Variants in DOCK10 observed in about 807,000 individuals in gnomAD.
DOCK10 encodes the protein dedicator of cytokinesis 10, also known as dedicator of cytokinesis protein 10.
DOCK10 carries 145 observed loss-of-function variants against 280.1 expected under a neutral mutation model. That is an observed-to-expected ratio of 0.52 (90% CI 0.45 to 0.59). The LOEUF (loss-of-function observed/expected upper bound fraction) is 0.59. Among genes scored for constraint, DOCK10 ranks in the 20% least tolerant of loss-of-function variants. The pLI, the probability that DOCK10 is intolerant of heterozygous loss-of-function variation, is 0.00. For synonymous variants in DOCK10, 915 were observed against 942.2 expected, an observed-to-expected ratio of 0.97 and a Z score of 0.53; for missense variants, 2,368 against 2,651.7, an observed-to-expected ratio of 0.89 and a Z score of 2.35.
intron 31 of DOCK10, among the ~76,000 whole-genome samples, chr2:224,812,653 T>C (rs1047869468): frequency 4.4e-4 from 67 of 152,238 alleles, no homozygotes; most frequent in African/African-American, 1.6e-3. Flanking sequence ...TATTTTGAGA[T>C]ACGTCCCATC....
At chr2:224,821,795 A>G (rs769520238) in intron 28 of DOCK10, among the ~76,000 whole-genome samples, 43 of 152,196 alleles carry the variant, frequency 2.8e-4, no homozygotes, top group Non-Finnish European at 5.6e-4. Context: ...CATAGCAATA[A>G]ACTTTATTCC....
intron 1 of DOCK10, among the ~76,000 whole-genome samples, chr2:224,978,702 C>T (rs1705579811): frequency 1.3e-5 from 2 of 152,070 alleles, no homozygotes; most frequent in South Asian, 2.1e-4. Context: ...ATTTATCAAT[C>T]GGTTATTGAT....
chr2:224,801,691 G>C (rs1048437151), intron 40 of DOCK10, among the ~76,000 whole-genome samples: 1 of 152,072 alleles, frequency 6.6e-6, no homozygotes, highest in African/African-American at 2.4e-5. Context: ...TTGTTTCCAA[G>C]GGAGCTATGC....
chr2:224,794,876 C>A lies in DOCK10; in HGVS notation c.5154+3G>T. The A allele has an allele frequency of 1.2e-6, 2 of 1,613,224 alleles. No homozygotes were observed. Among genetic ancestry groups the A allele is most frequent in the South Asian group, 2.2e-5 (2 of 91,014 alleles). ...GGTAAATGACCAAGCCTTGGCTAAT[C>A]ACCTCAGATAAATCTCCGTTTCTGG... On this transcript the variant is annotated splice_donor_region_variant and intron_variant, in intron 45 of 55. Transcript: ENST00000258390.
At position 224,966,895 on chromosome 2, in the gene DOCK10, GA is replaced by G. The variant is rs60840288; in HGVS notation, c.124-35228del. On this transcript the variant is annotated intron_variant, in intron 1 of 55. Transcript: ENST00000258390. ...CTCATCTAGAAGCAGGTACTCAGAT[GA>G]AAAAAAAAAAAGTAGAGGCTCACAT... 8.4e-3 allele frequency among the ~76,000 whole-genome samples: 1,204 copies of G among 142,654 alleles called. 17 individuals are homozygous for G. The highest frequency in any genetic ancestry group is 0.027 in the African/African-American group (1,059 of 39,276). 93.6% of individuals were successfully genotyped at this position (142,654 alleles called of 152,430 possible). A position where few individuals can be genotyped will look rare whatever the true frequency, so the allele number is the denominator to read the frequency against.
Position 224,807,606 on chromosome 2 carries a change from A to C in DOCK10, c.3702+62T>G, listed in dbSNP as rs1183548642. ...GAAGAAATGGTTATCCAGGGCAAAA[A>C]ATAATTAAAAAAAGACAAATTCTTT... is the stretch of plus-strand genomic sequence containing the variant. On this transcript the variant is annotated intron_variant, in intron 33 of 55. Transcript: ENST00000258390. 5.8e-6 allele frequency: 7 copies of C among 1,202,244 alleles called. No homozygotes were observed. The East Asian group carries it at 7.7e-5, about 13-fold the overall frequency. 74.5% of individuals were successfully genotyped at this position (1,202,244 alleles called of 1,614,324 possible). A position where few individuals can be genotyped will look rare whatever the true frequency, so the allele number is the denominator to read the frequency against.
At chr2:224,870,814 C>CTTTTTT (rs1559614196) in intron 11 of DOCK10, among the ~76,000 whole-genome samples, 8 of 106,502 alleles carry the variant, frequency 7.5e-5, no homozygotes, top group South Asian at 2.6e-4. Context: ...ATGGCCACTC[C>CTTTTTT]ATTTTTTTTT....
In DOCK10 at chr2:224,805,593, T is replaced by A; in HGVS notation, c.3815-64A>T. On this transcript the variant is annotated intron_variant, in intron 34 of 55. Coordinates refer to ENST00000258390, the MANE Select transcript of DOCK10 (RefSeq NM_014689.3). This position sits in a 1 kb window ranked among gnomAD's most constrained non-coding sequence, Gnocchi z 4.3. ...TGTATGGGCACACACACACAAAAGG[T>A]TCACATGATGAACCAAAAAGATGTT... is the stretch of plus-strand genomic sequence containing the variant. 2 of 1,595,702 alleles carry A rather than the reference T, an allele frequency of 1.3e-6. No individual in the cohort carries two copies. The highest frequency in any genetic ancestry group is 1.7e-6 in the Non-Finnish European group (2 of 1,170,734).
intron 53 of DOCK10, among the ~76,000 whole-genome samples, chr2:224,771,926 T>A (rs1269009451): frequency 2.0e-5 from 3 of 151,844 alleles, no homozygotes; most frequent in African/African-American, 7.2e-5. Context: ...GCTTTTTTTT[T>A]TTTTTATTTT....
chr2:225,025,501 TCAA>T (rs1216017058), intron 1 of DOCK10, among the ~76,000 whole-genome samples: 4 of 152,212 alleles, frequency 2.6e-5, no homozygotes, highest in Non-Finnish European at 5.9e-5. Flanking sequence ...GTAGAAATGT[TCAA>T]CAGCTAAAAA....
intron 24 of DOCK10, among the ~76,000 whole-genome samples, chr2:224,838,755 T>C (rs1412650961): frequency 1.3e-5 from 2 of 152,148 alleles, no homozygotes; most frequent in Non-Finnish European, 2.9e-5. Flanking sequence ...TTTAAAAAAA[T>C]GAACAGCACA....
At position 224,793,390 on chromosome 2, in the gene DOCK10, G is replaced by A. The variant is rs1173050725; in HGVS notation, c.5212+10C>T. ...CTAGGCTTTTTGCCTCCCTCATGTG[G>A]TCATCTTACCCTTTCTTTTCAGATA... On this transcript the variant is annotated intron_variant, in intron 46 of 55. Transcript: ENST00000258390. 1 of 1,610,768 alleles carries A rather than the reference G, an allele frequency of 6.2e-7. No individual in the cohort carries two copies. Among genetic ancestry groups the A allele is most frequent in the East Asian group, 2.2e-5 (1 of 44,788 alleles).
chr2:224,877,475 CCTATTCTATTGGAATAGG>C (rs1698706341), intron 7 of DOCK10, among the ~76,000 whole-genome samples: 1 of 148,560 alleles, frequency 6.7e-6, no homozygotes, highest in Non-Finnish European at 1.5e-5. Context: ...GGAATAGGTT[CCTATTCTATTGGAATAGG>C]TTCCTATTCC....
intron 55 of DOCK10, among the ~76,000 whole-genome samples, chr2:224,766,050 T>C (rs1690063552): frequency 6.6e-6 from 1 of 152,226 alleles, no homozygotes; most frequent in African/African-American, 2.4e-5. Context: ...ATTTTCACAA[T>C]CCTCTTCTGC....
Position 224,994,017 on chromosome 2 carries a change from C to T in DOCK10, c.123+48235G>A, listed in dbSNP as rs1350654156. Reference sequence around the variant, plus strand: ...ATAGAGATGAAGAGAGGGCATATCCCATGAACATGCTTTGGGTTCTAAAAC... The same window carrying T: ...ATAGAGATGAAGAGAGGGCATATCCTATGAACATGCTTTGGGTTCTAAAAC... On this transcript the variant is annotated intron_variant, in intron 1 of 55. Coordinates refer to ENST00000258390, the MANE Select transcript of DOCK10 (RefSeq NM_014689.3). 7.2e-5 allele frequency among the ~76,000 whole-genome samples: 11 copies of T among 152,304 alleles called. No individual in the cohort carries two copies. The South Asian group carries it at 2.3e-3, about 32-fold the overall frequency.
chr2:224,898,193 A>G (rs560902677), intron 3 of DOCK10, among the ~76,000 whole-genome samples: 1 of 152,302 alleles, frequency 6.6e-6, no homozygotes, highest in South Asian at 2.1e-4. Context: ...TCCAGGCAAG[A>G]GGCTCGAGAT....
chr2:224,904,770 T>C (rs1700493207), intron 3 of DOCK10, among the ~76,000 whole-genome samples: 1 of 152,208 alleles, frequency 6.6e-6, no homozygotes, highest in Non-Finnish European at 1.5e-5. Context: ...CAAAGGCATT[T>C]TGGTCAAAAG....
intron 27 of DOCK10, among the ~76,000 whole-genome samples, chr2:224,828,605 G>T (rs1695019543): frequency 6.6e-6 from 1 of 152,150 alleles, no homozygotes; most frequent in South Asian, 2.1e-4. Context: ...AAGGTCAGGG[G>T]TGTTTCCCAT....
chr2:224,896,394 T>C lies in DOCK10; in HGVS notation c.334-17A>G, dbSNP rs932545764. 1 of 1,467,180 alleles carries C rather than the reference T, an allele frequency of 6.8e-7. No homozygotes were observed. The highest frequency in any genetic ancestry group is 9.4e-7 in the Non-Finnish European group (1 of 1,063,862). 90.9% of individuals were successfully genotyped at this position (1,467,180 alleles called of 1,614,324 possible). Reference sequence around the variant, plus strand: ...TTTACAAGCCTGAAAGAAAGAAAAATGACAATTATTAATATAAAAATTATC... The same window carrying C: ...TTTACAAGCCTGAAAGAAAGAAAAACGACAATTATTAATATAAAAATTATC... On this transcript the variant is annotated splice_polypyrimidine_tract_variant and intron_variant, in intron 3 of 55. Coordinates refer to ENST00000258390, the MANE Select transcript of DOCK10 (RefSeq NM_014689.3).
Sources: allele counts gnomAD v4.1 joint callset (sites outside exome capture counted in the v4.1 genomes callset), GRCh38; gene constraint gnomAD v4.1.1; non-coding constraint Gnocchi (gnomAD v3.1); transcripts MANE v1.5; gene names NCBI Gene and HGNC (gene_info 2026-07-23, HGNC 2026-07-21).